The following SND1 variants were observed in gnomAD, a reference collection of about 807,000 sequenced individuals.
SND1 encodes staphylococcal nuclease and tudor domain containing 1.
In SND1, 38 loss-of-function variants were observed where a neutral mutation model predicts 121.7. That is an observed-to-expected ratio of 0.31 (90% CI 0.24 to 0.41). The LOEUF is 0.41. SND1 is among the 10% of genes least tolerant of loss of function. SND1 has a pLI of 1.00. For missense variants in SND1, 868 were observed against 1,184.6 expected (o/e 0.73, Z 3.92); for synonymous variants, 401 against 447.4 (o/e 0.90, Z 1.31).
rs1283920716 is a variant in SND1 at position 128,015,614 on chromosome 7, T to G, written c.1779+24558T>G. Reference sequence around the variant, plus strand: ...AGTGCCCTGTAATACACCATTATAATCAATTAGTTTCCCTTCTCCTTGTCC... The same window carrying G: ...AGTGCCCTGTAATACACCATTATAAGCAATTAGTTTCCCTTCTCCTTGTCC... On this transcript the variant is annotated intron_variant, in intron 16 of 23. Coordinates refer to ENST00000354725, the MANE Select transcript of SND1 (RefSeq NM_014390.4). This position sits in a 1 kb window ranked among gnomAD's most constrained non-coding sequence, Gnocchi z 4.5. Among the ~76,000 whole-genome samples, 1 of 152,218 alleles carries G rather than the reference T, an allele frequency of 6.6e-6. No individual in the cohort carries two copies. The highest frequency in any genetic ancestry group is 2.4e-5 in the African/African-American group (1 of 41,452).
At chr7:127,853,915 G>A (rs922593216) in intron 12 of SND1, among the ~76,000 whole-genome samples, 5 of 152,106 alleles carry the variant, frequency 3.3e-5, no homozygotes, top group African/African-American at 7.2e-5. Flanking sequence ...TAATTACTCC[G>A]ATGATGACCC....
chr7:128,010,901 A>G (rs1803101083), intron 16 of SND1, among the ~76,000 whole-genome samples: 1 of 152,080 alleles, frequency 6.6e-6, no homozygotes, highest in Non-Finnish European at 1.5e-5. Context: ...ACAGCTCACA[A>G]AGGGCCCTGT....
At chr7:127,966,030 T>A (rs1328101740) in intron 15 of SND1, among the ~76,000 whole-genome samples, 1 of 124,754 alleles carries the variant, frequency 8.0e-6, no homozygotes, top group Non-Finnish European at 1.7e-5. Context: ...CTAGATTTTC[T>A]AGTTTATTTG....
Position 127,854,771 on chromosome 7 carries a change from T to A in SND1, c.1343+10347T>A, listed in dbSNP as rs139944910. 6.1e-3 allele frequency among the ~76,000 whole-genome samples: 931 copies of A among 152,078 alleles called. 15 individuals carry two copies. Among genetic ancestry groups the A allele is most frequent in the African/African-American group, 0.021 (865 of 41,502 alleles). ...TTCTCAGCCCCCTTCTCTTTATAAT[T>A]CCTGTGGTCAGCACAGCACTAAGTG... On this transcript the variant is annotated intron_variant, in intron 12 of 23. Coordinates refer to ENST00000354725, the MANE Select transcript of SND1 (RefSeq NM_014390.4).
intron 16 of SND1, chr7:128,031,642 G>C (rs1429427227): frequency 6.8e-6 from 1 of 147,464 alleles, no homozygotes; most frequent in Non-Finnish European, 1.5e-5. Flanking sequence ...GGCTGCGCTC[G>C]GACCCGGTCC....
In SND1 at chr7:128,087,033, C is replaced by T; in HGVS notation, c.2400C>T (p.Phe800=). Residue 800 remains phenylalanine (F), a synonymous_variant, in exon 21 of 24, where the codon TTC becomes TTT. Coordinates refer to ENST00000354725, the MANE Select transcript of SND1 (RefSeq NM_014390.4). ...PAQATEYAFA[F]IQVPQDDDAR... Reference sequence around the variant, plus strand: ...AAGCCACGGAGTATGCCTTCGCCTTCATCCAGGTGCCCCAAGATGTGAGTC... The same window carrying T: ...AAGCCACGGAGTATGCCTTCGCCTTTATCCAGGTGCCCCAAGATGTGAGTC... 6.2e-7 allele frequency: 1 copy of T among 1,614,096 alleles called. No individual in the cohort carries two copies. The highest frequency in any genetic ancestry group is 8.5e-7 in the Non-Finnish European group (1 of 1,179,930).
intron 12 of SND1, among the ~76,000 whole-genome samples, chr7:127,879,589 A>T (rs1584636915): frequency 6.6e-6 from 1 of 152,164 alleles, no homozygotes; most frequent in Non-Finnish European, 1.5e-5. Context: ...ATGGTAAAAC[A>T]TCCCCTGCAT....
At chr7:127,750,347 G>A (rs1797067561) in intron 10 of SND1, among the ~76,000 whole-genome samples, 1 of 152,142 alleles carries the variant, frequency 6.6e-6, no homozygotes, top group Non-Finnish European at 1.5e-5. Flanking sequence ...CCACTGGTTG[G>A]AATGCTGAGG....
chr7:128,044,488 C>T (rs370506498), intron 16 of SND1, among the ~76,000 whole-genome samples: 47 of 152,220 alleles, frequency 3.1e-4, no homozygotes, highest in African/African-American at 1.0e-3. Context: ...GGGTCCCATA[C>T]GTGTACAACA....
At chr7:127,816,020 G>C (rs550685097) in intron 11 of SND1, among the ~76,000 whole-genome samples, 1 of 152,258 alleles carries the variant, frequency 6.6e-6, no homozygotes, top group Admixed American at 6.5e-5. Context: ...CTGCAGACCA[G>C]CTGACAGTTG....
chr7:127,887,417 A>C (rs1799932105), intron 12 of SND1, among the ~76,000 whole-genome samples: 2 of 152,148 alleles, frequency 1.3e-5, no homozygotes, highest in Admixed American at 6.5e-5. Flanking sequence ...TAAGAGAAAC[A>C]CTTCGTTATG....
chr7:128,070,324 A>T (rs1418250167), intron 16 of SND1, among the ~76,000 whole-genome samples: 1 of 152,186 alleles, frequency 6.6e-6, no homozygotes, highest in Non-Finnish European at 1.5e-5. Flanking sequence ...TCCCTCGCCC[A>T]TGCTGCTTGT....
rs867468299 is a variant in SND1 at position 127,872,638 on chromosome 7, A to G, written c.1344-15264A>G. Among the ~76,000 whole-genome samples the G allele has an allele frequency of 1.2e-3, 162 of 136,052 alleles. 1 individual carries two copies. The highest frequency in any genetic ancestry group is 4.8e-3 in the African/African-American group (142 of 29,538). The allele number at this position is 136,052 out of a possible 152,430, so 89.3% of individuals were successfully genotyped here. A position where few individuals can be genotyped will look rare whatever the true frequency, so the allele number is the denominator to read the frequency against. ...TTTTTTAACACACACGCACACACAC[A>G]CACACACACACACACACACACACAC... On this transcript the variant is annotated intron_variant, in intron 12 of 23. Transcript: ENST00000354725.
At chr7:127,852,770 C>T (rs553285164) in intron 12 of SND1, among the ~76,000 whole-genome samples, 45 of 151,810 alleles carry the variant, frequency 3.0e-4, no homozygotes, top group Non-Finnish European at 3.7e-4. Context: ...GAGAACACGC[C>T]ACTGCACTCT....
intron 1 of SND1, among the ~76,000 whole-genome samples, chr7:127,671,713 T>C (rs1361032558): frequency 6.6e-6 from 1 of 152,202 alleles, no homozygotes; most frequent in Non-Finnish European, 1.5e-5. Context: ...TTATTTGATA[T>C]ATATTTTTGA....
intron 10 of SND1, among the ~76,000 whole-genome samples, chr7:127,743,298 G>T (rs1005379964): frequency 6.6e-6 from 1 of 152,182 alleles, no homozygotes; most frequent in Non-Finnish European, 1.5e-5. Flanking sequence ...CAGTCTGTGG[G>T]AACCTCGGTG....
At position 128,084,776 on chromosome 7, in the gene SND1, C is replaced by T; in HGVS notation, c.2163C>T (p.His721=). The part of the protein sequence containing the change: ...MENMRNDIAS[H]PPVEGSYAPR... ...ACATGCGCAATGACATTGCCAGTCA[C>T]CCCCCTGTAGAGGGCTCCTATGCCC... The change falls in exon 19 of 24, where the codon CAC becomes CAT. Residue 721 remains histidine, a synonymous_variant. Transcript: ENST00000354725. 1 of 1,609,736 alleles carries T rather than the reference C, an allele frequency of 6.2e-7. No individual in the cohort carries two copies. Among genetic ancestry groups the T allele is most frequent in the East Asian group, 2.2e-5 (1 of 44,652 alleles).
chr7:128,078,723 T>C (rs1044958672), intron 17 of SND1, among the ~76,000 whole-genome samples: 3 of 152,232 alleles, frequency 2.0e-5, no homozygotes, highest in African/African-American at 7.2e-5. Flanking sequence ...GCTTTCATCC[T>C]GTGTGTTCCG....
At chr7:128,088,185 C>T (rs1178825944) in intron 21 of SND1, among the ~76,000 whole-genome samples, 2 of 151,592 alleles carry the variant, frequency 1.3e-5, no homozygotes, top group South Asian at 2.1e-4. Flanking sequence ...CAGTGGCTCA[C>T]GCCTGTAATC....
Sources: gnomAD v4.1 joint callset for allele counts (sites outside exome capture counted in the v4.1 genomes callset) on GRCh38, gnomAD v4.1.1 for gene constraint, Gnocchi (gnomAD v3.1) non-coding constraint, MANE v1.5 for transcripts, NCBI Gene and HGNC (gene_info 2026-07-23, HGNC 2026-07-21) for gene names.